C14orf132: variants seen among roughly 807,000 people sequenced by gnomAD.
C14orf132 encodes the protein uncharacterized protein C14orf132.
C14orf132 carries 6 observed loss-of-function variants against 5.8 expected under a neutral mutation model. That is an observed-to-expected ratio of 1.03 (90% CI 0.57 to 2.04). The LOEUF is 2.04. C14orf132 is among the 30% of genes most tolerant of loss of function. The pLI is 0.00. For missense variants in C14orf132, 125 were observed against 115.8 expected (o/e 1.08, Z -0.37); for synonymous variants, 51 against 49.8 (o/e 1.02, Z -0.10).
chr14:96,084,990 T>C (rs964256904), intron 1 of C14orf132, among the ~76,000 whole-genome samples: 2 of 152,170 alleles, frequency 1.3e-5, no homozygotes, highest in Non-Finnish European at 2.9e-5. Flanking sequence ...GTGCCTCTCA[T>C]GTTCCAGGAG....
intron 1 of C14orf132, among the ~76,000 whole-genome samples, chr14:96,064,601 C>T (rs1361573863): frequency 6.6e-6 from 1 of 151,812 alleles, no homozygotes; most frequent in Non-Finnish European, 1.5e-5. Flanking sequence ...CATATGTTCT[C>T]ACTGGTATGT....
In C14orf132 at chr14:96,092,607, C is replaced by A; in HGVS notation, c.*5872C>A. ...CGTTCGAAGCGTTGTCCCAACAATG[C>A]AGATGGTTCTGACAAGGGCTCTATA... On this transcript the variant is annotated 3_prime_UTR_variant, in exon 2 of 2. Transcript: ENST00000555004. The A allele has an allele frequency of 6.6e-6, 1 of 151,720 alleles. No homozygotes were observed. The highest frequency in any genetic ancestry group is 1.9e-4 in the East Asian group (1 of 5,206). The allele number at this position is 151,720 out of a possible 1,614,324, so 9.4% of individuals were successfully genotyped here.
intron 1 of C14orf132, among the ~76,000 whole-genome samples, chr14:96,069,037 G>T (rs941829477): frequency 6.6e-6 from 1 of 151,678 alleles, no homozygotes; most frequent in African/African-American, 2.4e-5. Flanking sequence ...AGCTCCTCTG[G>T]TTCTCAGGCC....
intron 1 of C14orf132, among the ~76,000 whole-genome samples, chr14:96,069,256 C>CATATATAT (rs55648129): frequency 5.7e-4 from 54 of 95,226 alleles, no homozygotes; most frequent in Non-Finnish European, 8.3e-4. Flanking sequence ...TGTTTATGTT[C>CATATATAT]ATATATATAT....
chr14:96,059,234 A>G (rs1207238956), intron 1 of C14orf132, among the ~76,000 whole-genome samples: 3 of 152,222 alleles, frequency 2.0e-5, no homozygotes, highest in Admixed American at 6.5e-5. Context: ...GCAGGGAGCC[A>G]TGATTGCAGC....
intron 1 of C14orf132, among the ~76,000 whole-genome samples, chr14:96,065,230 A>G (rs1472577007): frequency 6.6e-6 from 1 of 151,992 alleles, no homozygotes; most frequent in Non-Finnish European, 1.5e-5. Flanking sequence ...CCTGGGGAGG[A>G]GGGTGCAGTG....
chr14:96,075,013 C>G (rs1887823822), intron 1 of C14orf132, among the ~76,000 whole-genome samples: 1 of 152,184 alleles, frequency 6.6e-6, no homozygotes, highest in Non-Finnish European at 1.5e-5. Flanking sequence ...GGGGAGAATT[C>G]ACATCTTAAC....
chr14:96,093,707 G>C lies in C14orf132; in HGVS notation c.*6972G>C, dbSNP rs1048416889. The stretch of plus-strand genomic sequence containing the variant: ...ACCCAAGCACCTGGTTTCACCATGC[G>C]ATCACTGACTTCTCTACAGTGAAGA... On this transcript the variant is annotated 3_prime_UTR_variant, in exon 2 of 2. Transcript: ENST00000555004. 1 of 152,176 alleles carries C rather than the reference G, an allele frequency of 6.6e-6. No homozygotes were observed. Among genetic ancestry groups the C allele is most frequent in the Non-Finnish European group, 1.5e-5 (1 of 68,030 alleles). The allele number at this position is 152,176 out of a possible 1,614,324, so 9.4% of individuals were successfully genotyped here. A position where few individuals can be genotyped will look rare whatever the true frequency, so the allele number is the denominator to read the frequency against.
intron 1 of C14orf132, among the ~76,000 whole-genome samples, chr14:96,069,506 C>G (rs753890512): frequency 6.6e-6 from 1 of 152,072 alleles, no homozygotes; most frequent in East Asian, 1.9e-4. Context: ...ACCTCCACCT[C>G]CCTGTGAGGC....
rs1053801765 is a variant in C14orf132, at chr14:96,093,560, A to G, written c.*6825A>G. ...ATAACTTGCTACTCTCCAGATACCA[A>G]TTCTTCATGCCGAGAGCATCGGAAA... On this transcript the variant is annotated 3_prime_UTR_variant, in exon 2 of 2. Transcript: ENST00000555004. 8 of 152,336 alleles carry G rather than the reference A, an allele frequency of 5.3e-5. No homozygotes were observed. The highest frequency in any genetic ancestry group is 2.1e-4 in the South Asian group (1 of 4,822). 9.4% of individuals were successfully genotyped at this position (152,336 alleles called of 1,614,324 possible).
intron 1 of C14orf132, among the ~76,000 whole-genome samples, chr14:96,060,722 C>T (rs1298886795): frequency 6.6e-6 from 1 of 152,154 alleles, no homozygotes; most frequent in Non-Finnish European, 1.5e-5. Context: ...GGCCAGAGGC[C>T]TCTTCTCTCC....
In C14orf132 at chr14:96,090,850, T is replaced by A. The variant is rs768692648; in HGVS notation, c.*4115T>A. On this transcript the variant is annotated 3_prime_UTR_variant, in exon 2 of 2. Coordinates refer to ENST00000555004, the MANE Select transcript of C14orf132 (RefSeq NM_001252507.3). Reference sequence around the variant, plus strand: ...GACCGAAGAGGCTCAGTGGAGTCTGTCTGTTGTCAGCACTGCTGCCTGATC... The same window carrying A: ...GACCGAAGAGGCTCAGTGGAGTCTGACTGTTGTCAGCACTGCTGCCTGATC... The A allele has an allele frequency of 3.0e-4, 135 of 455,986 alleles. No individual in the cohort carries two copies. Among genetic ancestry groups the A allele is most frequent in the Non-Finnish European group, 4.4e-4 (100 of 226,800 alleles). 28.2% of individuals were successfully genotyped at this position (455,986 alleles called of 1,614,324 possible). A position where few individuals can be genotyped will look rare whatever the true frequency, so the allele number is the denominator to read the frequency against.
intron 1 of C14orf132, among the ~76,000 whole-genome samples, chr14:96,079,376 C>G (rs1381279098): frequency 6.6e-6 from 1 of 152,194 alleles, no homozygotes; most frequent in East Asian, 1.9e-4. Flanking sequence ...TAATGAATCC[C>G]AACCTGTGTT....
At chr14:96,073,148 A>AG (rs1202812569) in intron 1 of C14orf132, among the ~76,000 whole-genome samples, 1 of 134,274 alleles carries the variant, frequency 7.4e-6, no homozygotes, top group Non-Finnish European at 1.7e-5. Context: ...TAGGAACATC[A>AG]GGTTTTTTTT....
chr14:96,041,406 A>T (rs1287712158), intron 1 of C14orf132, among the ~76,000 whole-genome samples: 2 of 152,238 alleles, frequency 1.3e-5, no homozygotes. Context: ...TCTGGGCCTG[A>T]GTATCTGCAA....
At position 96,093,541 on chromosome 14, in the gene C14orf132, T is replaced by A. The variant is rs1888484889; in HGVS notation, c.*6806T>A. 1 of 152,260 alleles carries A rather than the reference T, an allele frequency of 6.6e-6. No homozygotes were observed. The highest frequency in any genetic ancestry group is 6.5e-5 in the Admixed American group (1 of 15,290). 9.4% of individuals were successfully genotyped at this position (152,260 alleles called of 1,614,324 possible). On this transcript the variant is annotated 3_prime_UTR_variant, in exon 2 of 2. Coordinates refer to ENST00000555004, the MANE Select transcript of C14orf132 (RefSeq NM_001252507.3). Reference sequence around the variant, plus strand: ...TTGCAGAAACCTTACTATTATAACTTGCTACTCTCCAGATACCAATTCTTC... The same window carrying A: ...TTGCAGAAACCTTACTATTATAACTAGCTACTCTCCAGATACCAATTCTTC...
rs10444758 is a variant in C14orf132, at chr14:96,091,518, A to C, written c.*4783A>C. The C allele has an allele frequency of 0.042, 6,711 of 159,628 alleles. 192 individuals are homozygous for C. Among genetic ancestry groups the C allele is most frequent in the Non-Finnish European group, 0.064 (4,638 of 72,732 alleles). The allele number at this position is 159,628 out of a possible 1,614,324, so 9.9% of individuals were successfully genotyped here. ...GTGGGAAGCAAAGGGCTTGCCCGGG[A>C]TTACCTGCCCCAGCCCCGAGGTGGG... is the stretch of plus-strand genomic sequence containing the variant. On this transcript the variant is annotated 3_prime_UTR_variant, in exon 2 of 2. Coordinates refer to ENST00000555004, the MANE Select transcript of C14orf132 (RefSeq NM_001252507.3).
rs1297009637 is a variant in C14orf132 at position 96,086,612 on chromosome 14, T to C, written c.129T>C (p.Asn43=). The part of the protein sequence containing the change: ...NSSANVHAAA[N]GQGQPEDPPR... ...CTGCCAATGTCCACGCGGCTGCCAATGGCCAGGGCCAGCCGGAAGATCCTC... is the reference window on the plus strand; with the variant it reads ...CTGCCAATGTCCACGCGGCTGCCAACGGCCAGGGCCAGCCGGAAGATCCTC... The change falls in exon 2 of 2, where the codon AAT becomes AAC. Residue 43 remains asparagine (N), a synonymous_variant. Transcript: ENST00000555004. The C allele has an allele frequency of 1.3e-6, 2 of 1,536,134 alleles. No individual in the cohort carries two copies. The highest frequency in any genetic ancestry group is 8.7e-7 in the Non-Finnish European group (1 of 1,146,896).
intron 1 of C14orf132, among the ~76,000 whole-genome samples, chr14:96,055,965 C>G (rs1262837292): frequency 6.6e-6 from 1 of 152,214 alleles, no homozygotes; most frequent in Admixed American, 6.5e-5. Flanking sequence ...GTGGTACTTT[C>G]TAAGCTTAGC....
Sources: gnomAD v4.1 joint callset for allele counts (sites outside exome capture counted in the v4.1 genomes callset) on GRCh38, gnomAD v4.1.1 for gene constraint, MANE v1.5 for transcripts, NCBI Gene and HGNC (gene_info 2026-07-23, HGNC 2026-07-21) for gene names.